The following IL1RAPL2 variants were observed in gnomAD, a reference collection of about 807,000 sequenced individuals.
IL1RAPL2 encodes X-linked interleukin-1 receptor accessory protein-like 2.
IL1RAPL2 carries 3 observed loss-of-function variants against 44.1 expected under a neutral mutation model. The ratio of observed to expected loss-of-function variants is 0.07; its 90% CI spans 0.03 to 0.18. The LOEUF (loss-of-function observed/expected upper bound fraction) is 0.18. Among genes scored for constraint, IL1RAPL2 ranks in the 10% least tolerant of loss-of-function variants. IL1RAPL2 has a pLI of 1.00. For synonymous variants in IL1RAPL2, 181 were observed against 178.8 expected (o/e 1.01, Z -0.10); for missense variants, 391 against 496.4 (o/e 0.79, Z 2.02).
chrX:105,558,630 T>C (rs1205501849), intron 6 of IL1RAPL2, among the ~76,000 whole-genome samples: 1 of 112,220 alleles, frequency 8.9e-6, no homozygotes, highest in Non-Finnish European at 1.9e-5. Context: ...CTCAATTTGG[T>C]TTCATGATTT....
At chrX:105,660,979 T>C (rs1289266156) in intron 6 of IL1RAPL2, among the ~76,000 whole-genome samples, 6 of 110,517 alleles carry the variant, frequency 5.4e-5, no homozygotes, top group African/African-American at 1.6e-4. Flanking sequence ...AATCAAAAGA[T>C]GTTCAGTGGT....
At position 105,386,734 on chromosome X, in the gene IL1RAPL2, A is replaced by G. The variant is rs765520890; in HGVS notation, c.698-97579A>G. On this transcript the variant is annotated intron_variant, in intron 5 of 10. Coordinates refer to ENST00000372582, the MANE Select transcript of IL1RAPL2 (RefSeq NM_017416.2). ...TAATCTGAAGGCAGGAGATAAATAT[A>G]CTGTCTTGTTGTGGCTTTATAAATT... Among the ~76,000 whole-genome samples, 44 of 112,024 alleles carry G rather than the reference A, an allele frequency of 3.9e-4. 1 individual carries two copies. In the South Asian group the frequency reaches 0.016, roughly 40 times the overall value.
intron 8 of IL1RAPL2, among the ~76,000 whole-genome samples, chrX:105,745,063 C>G (rs1382960758): frequency 9.0e-6 from 1 of 111,272 alleles, no homozygotes; most frequent in Non-Finnish European, 1.9e-5. Flanking sequence ...TGCTCACAAT[C>G]CTAGAGGCCG....
chrX:105,044,227 C>G (rs1262800533), intron 2 of IL1RAPL2, among the ~76,000 whole-genome samples: 3 of 110,790 alleles, frequency 2.7e-5, no homozygotes, highest in East Asian at 2.9e-4. Flanking sequence ...TGGGTTCTCT[C>G]AAGTCTTGTT....
intron 5 of IL1RAPL2, among the ~76,000 whole-genome samples, chrX:105,316,567 C>A (rs1455810534): frequency 8.9e-6 from 1 of 111,800 alleles, no homozygotes; most frequent in East Asian, 2.8e-4. Context: ...AAATTGGATA[C>A]CATCTGGTAC....
intron 2 of IL1RAPL2, among the ~76,000 whole-genome samples, chrX:105,077,246 C>T (rs1004175567): frequency 9.0e-6 from 1 of 111,286 alleles, no homozygotes; most frequent in African/African-American, 3.3e-5. Flanking sequence ...CTGGTGGTGC[C>T]AAAATCTCTC....
intron 2 of IL1RAPL2, among the ~76,000 whole-genome samples, chrX:105,036,351 T>C: frequency 9.0e-6 from 1 of 111,704 alleles, no homozygotes; most frequent in African/African-American, 3.2e-5. Flanking sequence ...AATAGCAATG[T>C]AGAAACAGTA....
chrX:104,870,313 C>T (rs1922727494), intron 2 of IL1RAPL2, among the ~76,000 whole-genome samples: 1 of 112,246 alleles, frequency 8.9e-6, no homozygotes, highest in South Asian at 3.7e-4. Flanking sequence ...TGTGATTACT[C>T]TTGCTTTTGA....
intron 6 of IL1RAPL2, among the ~76,000 whole-genome samples, chrX:105,671,665 G>C (rs762148505): frequency 9.0e-6 from 1 of 111,365 alleles, no homozygotes; most frequent in African/African-American, 3.3e-5. Flanking sequence ...CCCTGTTAGA[G>C]GTACACCCAA....
chrX:104,628,701 T>G (rs1929569526), intron 1 of IL1RAPL2, among the ~76,000 whole-genome samples: 1 of 111,994 alleles, frequency 8.9e-6, no homozygotes, highest in Non-Finnish European at 1.9e-5. Context: ...TTTAGATATT[T>G]GAGAAATCTC....
rs142543704 is a variant in IL1RAPL2, at chrX:105,034,856, C to T, written c.83-160619C>T. Among the ~76,000 whole-genome samples, 435 of 112,427 alleles carry T rather than the reference C, an allele frequency of 3.9e-3. 2 individuals carry two copies. Among genetic ancestry groups the T allele is most frequent in the African/African-American group, 0.013 (403 of 30,986 alleles). ...CCCCCAGTGGTGGAGCCTACAGAATCAGGAAGGCCTCCTTGAGCTGTGGTG... is the reference window on the plus strand; with the variant it reads ...CCCCCAGTGGTGGAGCCTACAGAATTAGGAAGGCCTCCTTGAGCTGTGGTG... On this transcript the variant is annotated intron_variant, in intron 2 of 10. Coordinates refer to ENST00000372582, the MANE Select transcript of IL1RAPL2 (RefSeq NM_017416.2).
intron 2 of IL1RAPL2, among the ~76,000 whole-genome samples, chrX:104,909,223 T>G (rs763388095): frequency 1.5e-4 from 17 of 111,173 alleles, no homozygotes; most frequent in South Asian, 7.5e-4. Flanking sequence ...CTCTGTATTG[T>G]TTATTCTAGT....
intron 3 of IL1RAPL2, chrX:105,219,730 T>C: frequency 8.4e-7 from 1 of 1,186,930 alleles, no homozygotes. Flanking sequence ...CCCTGCCCCC[T>C]GCTCCCACTC....
At chrX:104,778,232 A>G (rs150677565) in intron 2 of IL1RAPL2, among the ~76,000 whole-genome samples, 2,100 of 110,307 alleles carry the variant, frequency 0.019, 53 homozygotes, top group African/African-American at 0.064. Context: ...TTCTTTACAC[A>G]TTCTAGGTGT....
chrX:105,689,237 T>G (rs1396745748), intron 6 of IL1RAPL2, among the ~76,000 whole-genome samples: 1 of 111,525 alleles, frequency 9.0e-6, no homozygotes, highest in Non-Finnish European at 1.9e-5. Flanking sequence ...CTAATTAAAC[T>G]AAAGAGCTTC....
intron 6 of IL1RAPL2, among the ~76,000 whole-genome samples, chrX:105,698,821 C>T (rs2038097429): frequency 8.9e-6 from 1 of 111,986 alleles, no homozygotes; most frequent in South Asian, 3.7e-4. Flanking sequence ...AATTCTCAAA[C>T]TTTACATGAC....
chrX:104,848,739 A>T (rs1313029462), intron 2 of IL1RAPL2, among the ~76,000 whole-genome samples: 1 of 108,857 alleles, frequency 9.2e-6, no homozygotes, highest in East Asian at 2.9e-4. Context: ...TCAGTATTTT[A>T]TAGATGAGAA....
At chrX:104,846,012 C>G (rs1188843077) in intron 2 of IL1RAPL2, among the ~76,000 whole-genome samples, 1 of 111,021 alleles carries the variant, frequency 9.0e-6, no homozygotes, top group Non-Finnish European at 1.9e-5. Flanking sequence ...TACCTAGAGT[C>G]CATTATTAAG....
At chrX:105,330,351 G>T (rs762669778) in intron 5 of IL1RAPL2, among the ~76,000 whole-genome samples, 3 of 110,582 alleles carry the variant, frequency 2.7e-5, no homozygotes, top group Non-Finnish European at 5.7e-5. Context: ...TACCCTCCTC[G>T]TATACCAACA....
Sources: allele counts gnomAD v4.1 joint callset (sites outside exome capture counted in the v4.1 genomes callset), GRCh38; gene constraint gnomAD v4.1.1; transcripts MANE v1.5; gene names NCBI Gene and HGNC (gene_info 2026-07-23, HGNC 2026-07-21).